Variants in UBR2 observed in about 807,000 individuals in gnomAD.
UBR2 encodes ubiquitin protein ligase E3 component n-recognin 2, also known as E3 ubiquitin-protein ligase UBR2.
A neutral mutation model predicts 247.9 loss-of-function variants in UBR2; 92 were observed. The observed-to-expected ratio is 0.37, with a 90% CI of 0.31 to 0.44. The LOEUF (loss-of-function observed/expected upper bound fraction) is 0.44, where lower values mean the gene tolerates loss of function less well. Among genes scored for constraint, UBR2 ranks in the 20% least tolerant of loss-of-function variants. The probability of loss-of-function intolerance (pLI) is 1.00; values close to 1 mark genes in which losing one functional copy is unlikely to be tolerated. For synonymous variants in UBR2, 672 were observed against 693.5 expected (o/e 0.97, Z 0.49); for missense variants, 1,613 against 2,112.6 (o/e 0.76, Z 4.64).
At chr6:42,598,571 G>C (rs1223660111) in intron 4 of UBR2, among the ~76,000 whole-genome samples, 1 of 152,212 alleles carries the variant, frequency 6.6e-6, no homozygotes, top group East Asian at 1.9e-4. Context: ...GCCCCTTGGG[G>C]TGTGGGAGTG....
intron 2 of UBR2, among the ~76,000 whole-genome samples, chr6:42,587,162 T>G (rs1379760430): frequency 6.6e-6 from 1 of 152,034 alleles, no homozygotes; most frequent in Non-Finnish European, 1.5e-5. Context: ...AATTTTTGCT[T>G]TAACACATTA....
chr6:42,640,146 G>T (rs1244077929), intron 15 of UBR2, 63 bp from the exon 16 acceptor site: 7 of 1,305,150 alleles, frequency 5.4e-6, no homozygotes, highest in South Asian at 1.3e-5. Flanking sequence ...GAATATTTAG[G>T]GTATTTTTCC....
Position 42,564,339 on chromosome 6 carries a change from C to T in UBR2, c.20C>T (p.Pro7Leu). The change falls in exon 1 of 47, where the codon CCA (proline) becomes CTA (leucine). Residue 7 changes from proline (P) to leucine (L), a missense_variant. This residue lies in a region of UBR2 where 1,524 missense variants were observed against 1,967.3 expected (regional missense o/e 0.77). Transcript: ENST00000372901. MASELE[P>L]EVQAIDRSLL... Reference sequence around the variant, plus strand: ...GAGAAGATGGCGTCGGAGCTAGAGCCAGAGGTGCAGGCCATCGACCGGAGC... The same window carrying T: ...GAGAAGATGGCGTCGGAGCTAGAGCTAGAGGTGCAGGCCATCGACCGGAGC... 2 of 1,612,064 alleles carry T rather than the reference C, an allele frequency of 1.2e-6. No homozygotes were observed. Among genetic ancestry groups the T allele is most frequent in the South Asian group, 2.2e-5 (2 of 90,580 alleles).
chr6:42,622,151 G>A (rs747911914), intron 11 of UBR2, among the ~76,000 whole-genome samples: 17 of 151,900 alleles, frequency 1.1e-4, no homozygotes, highest in Non-Finnish European at 1.9e-4. Context: ...GAGTAGCTGG[G>A]ATTACAGACA....
chr6:42,690,942 C>CTT (rs1015541374), intron 46 of UBR2, 90 bp from the exon 47 acceptor site: 36 of 1,526,638 alleles, frequency 2.4e-5, no homozygotes, highest in Non-Finnish European at 3.0e-5. Flanking sequence ...AAACCAATAA[C>CTT]TTGTAACCTT....
At chr6:42,597,551 T>A (rs1793053210) in intron 4 of UBR2, among the ~76,000 whole-genome samples, 3 of 151,250 alleles carry the variant, frequency 2.0e-5, no homozygotes, top group African/African-American at 7.3e-5. Context: ...GAGCCATGAT[T>A]GTACCACTGC....
chr6:42,620,449 C>CTGAAT, intron 11 of UBR2: 1 of 149,956 alleles, frequency 6.7e-6, no homozygotes, highest in East Asian at 1.9e-4. Flanking sequence ...ATATTTTTTC[C>CTGAAT]ACTCTTGTTT....
intron 7 of UBR2, among the ~76,000 whole-genome samples, chr6:42,609,079 A>G (rs906410410): frequency 1.3e-5 from 2 of 152,234 alleles, no homozygotes; most frequent in South Asian, 4.1e-4. Flanking sequence ...TAGCTGGTCA[A>G]TATACATGAA....
At chr6:42,649,029 C>T (rs558686441) in intron 22 of UBR2, among the ~76,000 whole-genome samples, 1 of 152,158 alleles carries the variant, frequency 6.6e-6, no homozygotes, top group South Asian at 2.1e-4. Context: ...TCCTTTTTCA[C>T]TTCAGCCTGG....
intron 34 of UBR2, among the ~76,000 whole-genome samples, chr6:42,667,085 C>T (rs1798147305): frequency 6.6e-6 from 1 of 152,164 alleles, no homozygotes; most frequent in Non-Finnish European, 1.5e-5. Context: ...CCTATAATCC[C>T]AGGACTTTGG....
At chr6:42,603,284 G>A (rs1212676757) in intron 4 of UBR2, among the ~76,000 whole-genome samples, 1 of 152,216 alleles carries the variant, frequency 6.6e-6, no homozygotes, top group Non-Finnish European at 1.5e-5. Context: ...TTGGTTTGAT[G>A]TTAAGTTTTT....
chr6:42,644,138 C>G (rs924412563), intron 18 of UBR2, 76 bp from the exon 19 acceptor site: 9 of 1,456,224 alleles, frequency 6.2e-6, no homozygotes, highest in African/African-American at 1.4e-5. Flanking sequence ...CAAACTATCT[C>G]TCACTAATTG....
Position 42,683,092 on chromosome 6 carries a change from G to T in UBR2, c.4756G>T (p.Gly1586Cys). Residue 1586 changes from glycine (G) to cysteine (C), a missense_variant, in exon 43 of 47, where the codon GGT becomes TGT. Coordinates refer to ENST00000372901, the MANE Select transcript of UBR2 (RefSeq NM_001363705.2). ...CAGTGAAGTTAAAAGATATCTAGAAGGTGAAAGAGATGCTATAAGGTAAGT... is the reference window on the plus strand; with the variant it reads ...CAGTGAAGTTAAAAGATATCTAGAATGTGAAAGAGATGCTATAAGGTAAGT... Reference protein sequence around the residue: ...RNSEVKRYLEGERDAIRYPRE... With the variant: ...RNSEVKRYLECERDAIRYPRE... 6.2e-7 allele frequency: 1 copy of T among 1,612,542 alleles called. No homozygotes were observed. The highest frequency in any genetic ancestry group is 8.5e-7 in the Non-Finnish European group (1 of 1,179,436).
At chr6:42,640,422 GTGTGTGTGTGTGTA>G (rs1796365404) in intron 16 of UBR2, 152 bp downstream of exon 16, 7 of 317,098 alleles carry the variant, frequency 2.2e-5, no homozygotes, top group South Asian at 1.9e-4. Flanking sequence ...GTGTGTGTGT[GTGTGTGTGTGTGTA>G]TAGATACATA....
chr6:42,614,368 G>GTGTGTATA (rs1554250349), intron 8 of UBR2, among the ~76,000 whole-genome samples: 32 of 15,236 alleles, frequency 2.1e-3, no homozygotes, highest in Non-Finnish European at 4.3e-3. Flanking sequence ...ATATATGTGT[G>GTGTGTATA]TATGTGTGTA....
At chr6:42,580,923 T>C (rs1791846333) in intron 2 of UBR2, among the ~76,000 whole-genome samples, 1 of 152,014 alleles carries the variant, frequency 6.6e-6, no homozygotes, top group South Asian at 2.1e-4. Context: ...TCACTAGAAA[T>C]TTCCCTGTCA....
At chr6:42,569,421 C>G (rs769375400) in intron 1 of UBR2, among the ~76,000 whole-genome samples, 2 of 152,108 alleles carry the variant, frequency 1.3e-5, no homozygotes, top group Admixed American at 1.3e-4. Context: ...GTTGGAACAT[C>G]TTTTTATGAG....
chr6:42,658,603 G>C, intron 28 of UBR2, 43 bp from the exon 29 acceptor site: 1 of 1,539,908 alleles, frequency 6.5e-7, no homozygotes, highest in Non-Finnish European at 8.7e-7. Flanking sequence ...AAAAATGTGC[G>C]TTTTAGCATC....
chr6:42,579,911 AGTTT>A (rs1301273095), intron 2 of UBR2, among the ~76,000 whole-genome samples: 1 of 152,188 alleles, frequency 6.6e-6, no homozygotes, highest in Non-Finnish European at 1.5e-5. Flanking sequence ...TTCACTTAAC[AGTTT>A]GTTTTGGAGA....
Sources: allele counts gnomAD v4.1 joint callset (sites outside exome capture counted in the v4.1 genomes callset), GRCh38; gene constraint gnomAD v4.1.1; regional missense constraint gnomAD v4.1.1; transcripts MANE v1.5; gene names NCBI Gene and HGNC (gene_info 2026-07-23, HGNC 2026-07-21).